PRKCE: variants seen among roughly 807,000 people sequenced by gnomAD.
PRKCE encodes protein kinase C epsilon, also known as protein kinase C epsilon type.
A neutral mutation model predicts 85.4 loss-of-function variants in PRKCE; 16 were observed. The ratio of observed to expected loss-of-function variants is 0.19; its 90% CI spans 0.13 to 0.28. The LOEUF is 0.28. Among genes scored for constraint, PRKCE ranks in the 10% least tolerant of loss-of-function variants. The pLI is 1.00. For missense variants in PRKCE, 573 were observed against 975.2 expected, an observed-to-expected ratio of 0.59 and a Z score of 5.49; for synonymous variants, 388 against 371.5, an observed-to-expected ratio of 1.04 and a Z score of -0.51.
intron 12 of PRKCE, among the ~76,000 whole-genome samples, chr2:46,149,492 T>C (rs1428586558): frequency 6.6e-6 from 1 of 152,164 alleles, no homozygotes; most frequent in Non-Finnish European, 1.5e-5. Context: ...AATTGTGGAA[T>C]GGGAATGTCA....
intron 11 of PRKCE, among the ~76,000 whole-genome samples, chr2:46,106,579 A>T (rs932076602): frequency 2.0e-5 from 3 of 152,230 alleles, no homozygotes; most frequent in African/African-American, 7.2e-5. Context: ...CCATAACAGA[A>T]GTATCTGTTC....
intron 1 of PRKCE, among the ~76,000 whole-genome samples, chr2:45,738,467 C>T (rs1682271445): frequency 6.6e-6 from 1 of 152,160 alleles, no homozygotes; most frequent in Non-Finnish European, 1.5e-5. Context: ...GTTTGAAATC[C>T]CACTGTTTTC....
At chr2:46,071,084 A>G (rs532117310) in intron 10 of PRKCE, among the ~76,000 whole-genome samples, 1 of 152,322 alleles carries the variant, frequency 6.6e-6, no homozygotes, top group East Asian at 1.9e-4. Context: ...AGAGATGCCC[A>G]TGTCCTCATG....
intron 2 of PRKCE, among the ~76,000 whole-genome samples, chr2:45,869,298 C>T (rs1478942295): frequency 6.6e-6 from 1 of 152,172 alleles, no homozygotes; most frequent in African/African-American, 2.4e-5. Flanking sequence ...ATCCTTATGA[C>T]CAAGATACTG....
intron 2 of PRKCE, among the ~76,000 whole-genome samples, chr2:45,938,365 G>A (rs1241272116): frequency 8.5e-5 from 13 of 152,162 alleles, no homozygotes; most frequent in Admixed American, 8.5e-4. Context: ...AAAGGACACA[G>A]TTGAGAATGA....
At chr2:45,865,512 T>C (rs1367219095) in intron 2 of PRKCE, among the ~76,000 whole-genome samples, 3 of 152,210 alleles carry the variant, frequency 2.0e-5, no homozygotes, top group Non-Finnish European at 4.4e-5. Context: ...GTGTTGAATA[T>C]GTCCCCTCCA....
chr2:45,850,897 C>T (rs77611973), intron 2 of PRKCE, among the ~76,000 whole-genome samples: 1,927 of 152,268 alleles, frequency 0.013, 46 homozygotes, highest in African/African-American at 0.044. Flanking sequence ...CTAATATATA[C>T]GAGGCCCTGG....
At chr2:45,992,325 G>A (rs17077) in intron 6 of PRKCE, among the ~76,000 whole-genome samples, 39,362 of 152,034 alleles carry the variant, frequency 0.26, 5,248 homozygotes, top group South Asian at 0.29. Flanking sequence ...GCAGACAAGC[G>A]GCCGATCGTG....
intron 2 of PRKCE, among the ~76,000 whole-genome samples, chr2:45,883,178 G>A (rs1198204083): frequency 2.0e-5 from 3 of 152,198 alleles, no homozygotes; most frequent in East Asian, 1.9e-4. Flanking sequence ...ACTGCATATC[G>A]ATGCTGCCAT....
rs894914039 is a variant in PRKCE, at chr2:45,891,749, C to T, written c.412+48686C>T. 2.6e-5 allele frequency among the ~76,000 whole-genome samples: 4 copies of T among 152,194 alleles called. No homozygotes were observed. The South Asian group carries it at 6.2e-4, about 24-fold the overall frequency. Reference sequence around the variant, plus strand: ...ATATCACTGTTACCTTGGGCTGCTTCCTCTCCCTTCTTCTCAGTCACAAGG... The same window carrying T: ...ATATCACTGTTACCTTGGGCTGCTTTCTCTCCCTTCTTCTCAGTCACAAGG... On this transcript the variant is annotated intron_variant, in intron 2 of 14. Coordinates refer to ENST00000306156, the MANE Select transcript of PRKCE (RefSeq NM_005400.3).
intron 14 of PRKCE, among the ~76,000 whole-genome samples, chr2:46,179,199 A>G (rs978984169): frequency 6.6e-6 from 1 of 152,160 alleles, no homozygotes. Flanking sequence ...AAACAAAGTC[A>G]TCTGTTGATC....
At chr2:46,077,000 A>G (rs1004048618) in intron 10 of PRKCE, among the ~76,000 whole-genome samples, 2 of 152,074 alleles carry the variant, frequency 1.3e-5, no homozygotes, top group African/African-American at 4.8e-5. Flanking sequence ...GTGGAGGGGG[A>G]ATCGGGGAGG....
intron 11 of PRKCE, among the ~76,000 whole-genome samples, chr2:46,123,427 G>A (rs184146776): frequency 4.6e-5 from 7 of 152,004 alleles, no homozygotes; most frequent in South Asian, 2.1e-4. Context: ...ATGATTTGTC[G>A]TGTTTACTCT....
intron 2 of PRKCE, among the ~76,000 whole-genome samples, chr2:45,966,766 G>A (rs544415708): frequency 6.6e-5 from 10 of 152,080 alleles, no homozygotes; most frequent in Non-Finnish European, 1.3e-4. Context: ...GGAAGATAAG[G>A]CAGGCGCTCC....
rs747454308 is a variant in PRKCE, at chr2:46,001,557, G to T, written c.966+11G>T. 2 of 1,596,474 alleles carry T rather than the reference G, an allele frequency of 1.3e-6. No individual in the cohort carries two copies. The highest frequency in any genetic ancestry group is 2.2e-5 in the East Asian group (1 of 44,738). On this transcript the variant is annotated intron_variant, in intron 7 of 14. Coordinates refer to ENST00000306156, the MANE Select transcript of PRKCE (RefSeq NM_005400.3). This position sits in a 1 kb window ranked among gnomAD's most constrained non-coding sequence, Gnocchi z 4.4. ...CAGAGAAGGAAAAAGGTAACTGGCT[G>T]TTTGGTGGTGTTGCTGGAGCCCTTT... is the stretch of plus-strand genomic sequence containing the variant.
At chr2:45,964,873 T>A (rs1384523067) in intron 2 of PRKCE, among the ~76,000 whole-genome samples, 1 of 152,238 alleles carries the variant, frequency 6.6e-6, no homozygotes, top group Non-Finnish European at 1.5e-5. Context: ...TCACTTTTTT[T>A]TTCCTATGTA....
At chr2:45,941,350 A>G (rs1042317843) in intron 2 of PRKCE, among the ~76,000 whole-genome samples, 8 of 152,176 alleles carry the variant, frequency 5.3e-5, no homozygotes, top group African/African-American at 1.9e-4. Flanking sequence ...TATTGGATGG[A>G]CATCATTGGT....
intron 1 of PRKCE, among the ~76,000 whole-genome samples, chr2:45,824,766 C>G (rs1275449749): frequency 2.6e-5 from 4 of 152,144 alleles, no homozygotes; most frequent in Admixed American, 6.5e-5. Flanking sequence ...GATCGCCACC[C>G]CTCCCTTTAT....
At chr2:46,164,905 G>C (rs1042005425) in intron 14 of PRKCE, 4 of 152,262 alleles carry the variant, frequency 2.6e-5, no homozygotes, top group Admixed American at 1.3e-4. Flanking sequence ...TGCACAGGAA[G>C]CCTCGCCCCT....
Sources: gnomAD v4.1 joint callset for allele counts (sites outside exome capture counted in the v4.1 genomes callset) on GRCh38, gnomAD v4.1.1 for gene constraint, Gnocchi (gnomAD v3.1) non-coding constraint, MANE v1.5 for transcripts, NCBI Gene and HGNC (gene_info 2026-07-23, HGNC 2026-07-21) for gene names.